The following CDH13 variants were observed in gnomAD, a reference collection of about 807,000 sequenced individuals.
CDH13 encodes cadherin 13.
CDH13 carries 24 observed loss-of-function variants against 63.8 expected under a neutral mutation model. The ratio of observed to expected loss-of-function variants is 0.38; its 90% CI spans 0.27 to 0.53. The LOEUF is 0.53. Among genes scored for constraint, CDH13 ranks in the 20% least tolerant of loss-of-function variants. CDH13 has a pLI of 0.85. For missense variants in CDH13, 1,049 were observed against 903.1 expected (o/e 1.16, Z -2.07); for synonymous variants, 503 against 355.3 (o/e 1.42, Z -4.67).
chr16:83,715,189 C>A (rs1451277656), intron 10 of CDH13, among the ~76,000 whole-genome samples: 1 of 152,166 alleles, frequency 6.6e-6, no homozygotes, highest in Non-Finnish European at 1.5e-5. Context: ...AAATATTAAG[C>A]TCTGTGTAAT....
At chr16:83,181,971 G>T (rs765821014) in intron 4 of CDH13, among the ~76,000 whole-genome samples, 10 of 152,266 alleles carry the variant, frequency 6.6e-5, no homozygotes, top group Middle Eastern at 6.8e-3. Flanking sequence ...TTAATTAGCT[G>T]CACACAGAAG....
chr16:83,010,240 A>T (rs923213370), intron 2 of CDH13, among the ~76,000 whole-genome samples: 1 of 150,886 alleles, frequency 6.6e-6, no homozygotes, highest in Non-Finnish European at 1.5e-5. Context: ...TGATCCTGGC[A>T]CAGCACTTTG....
rs372292434 is a variant in CDH13, at chr16:83,750,020, G to A, written c.1681+1770G>A. Among the ~76,000 whole-genome samples the A allele has an allele frequency of 8.5e-5, 13 of 152,244 alleles. No individual in the cohort carries two copies. The East Asian group carries it at 1.5e-3, about 18-fold the overall frequency. ...TTATAAGAAATAGCTCATGTTGGCT[G>A]GGCACGGTGGCTCATGCCTGTAGTC... On this transcript the variant is annotated intron_variant, in intron 11 of 13. Coordinates refer to ENST00000567109, the MANE Select transcript of CDH13 (RefSeq NM_001257.5).
intron 1 of CDH13, among the ~76,000 whole-genome samples, chr16:82,837,454 G>GA (rs2038816794): frequency 1.0e-3 from 1 of 996 alleles, no homozygotes; most frequent in South Asian, 0.12. Context: ...AAGTCCTAGA[G>GA]TCCCCAAGGC....
At chr16:83,447,011 A>C (rs191825191) in intron 6 of CDH13, among the ~76,000 whole-genome samples, 66 of 147,580 alleles carry the variant, frequency 4.5e-4, no homozygotes, top group African/African-American at 1.6e-3. Context: ...GAAGTAAGGA[A>C]ATGATTTAAA....
intron 6 of CDH13, among the ~76,000 whole-genome samples, chr16:83,435,756 C>G (rs1473896968): frequency 1.3e-5 from 2 of 152,286 alleles, no homozygotes; most frequent in Non-Finnish European, 2.9e-5. Context: ...GGCCAAGCCA[C>G]TCTGTTACTC....
intron 1 of CDH13, among the ~76,000 whole-genome samples, chr16:82,633,290 T>C (rs1342175481): frequency 6.6e-6 from 1 of 152,224 alleles, no homozygotes; most frequent in African/African-American, 2.4e-5. Context: ...AATAACTTAC[T>C]CTACTTAGAC....
At chr16:83,180,496 AC>A (rs1469653094) in intron 4 of CDH13, among the ~76,000 whole-genome samples, 2 of 152,336 alleles carry the variant, frequency 1.3e-5, no homozygotes, top group African/African-American at 4.8e-5. Context: ...CGTAGGACTC[AC>A]CTTTTGGTGG....
At chr16:83,373,633 G>T (rs1221997664) in intron 6 of CDH13, among the ~76,000 whole-genome samples, 1 of 151,994 alleles carries the variant, frequency 6.6e-6, no homozygotes, top group Non-Finnish European at 1.5e-5. Flanking sequence ...TATGTGTTAA[G>T]ACTATTAGGA....
intron 10 of CDH13, among the ~76,000 whole-genome samples, chr16:83,702,210 G>C (rs1334361364): frequency 6.6e-6 from 1 of 152,122 alleles, no homozygotes; most frequent in Non-Finnish European, 1.5e-5. Context: ...TACTCACTTG[G>C]CATAGCTTCC....
At chr16:83,479,901 G>A (rs974530432) in intron 6 of CDH13, among the ~76,000 whole-genome samples, 14 of 152,224 alleles carry the variant, frequency 9.2e-5, no homozygotes, top group Non-Finnish European at 2.1e-4. Context: ...GATGGAGTGA[G>A]AGGGTGTCAA....
intron 1 of CDH13, among the ~76,000 whole-genome samples, chr16:82,807,290 C>T (rs1402078906): frequency 6.6e-6 from 1 of 151,864 alleles, no homozygotes; most frequent in South Asian, 2.1e-4. Context: ...GTCCAAAAGA[C>T]AAAAAGGAGT....
At chr16:82,947,159 C>CT (rs1278705970) in intron 2 of CDH13, among the ~76,000 whole-genome samples, 3 of 152,032 alleles carry the variant, frequency 2.0e-5, no homozygotes, top group African/African-American at 7.2e-5. Context: ...AATTTTTAAG[C>CT]TTGAGTGATC....
At chr16:83,526,835 C>T (rs1358856523) in intron 7 of CDH13, among the ~76,000 whole-genome samples, 1 of 152,126 alleles carries the variant, frequency 6.6e-6, no homozygotes, top group Non-Finnish European at 1.5e-5. Context: ...GGCAGGCAGA[C>T]AGAATGGGAA....
Position 83,218,522 on chromosome 16 carries a change from C to A in CDH13, c.636+1025C>A, listed in dbSNP as rs531692707. ...TTGGTGACCTCAGAAATACCCAGTTCCAGCTGGCCTTGACAGTAACCAGAG... is the reference window on the plus strand; with the variant it reads ...TTGGTGACCTCAGAAATACCCAGTTACAGCTGGCCTTGACAGTAACCAGAG... On this transcript the variant is annotated intron_variant, in intron 5 of 13. Transcript: ENST00000567109. Among the ~76,000 whole-genome samples the A allele has an allele frequency of 1.8e-3, 281 of 152,288 alleles. 3 individuals are homozygous for A. Among genetic ancestry groups the A allele is most frequent in the African/African-American group, 6.6e-3 (276 of 41,546 alleles).
chr16:82,789,970 C>G (rs906220038), intron 1 of CDH13, among the ~76,000 whole-genome samples: 2 of 152,192 alleles, frequency 1.3e-5, no homozygotes, highest in Non-Finnish European at 2.9e-5. Context: ...CAGCCCCCAT[C>G]TCTGTCTATT....
intron 3 of CDH13, among the ~76,000 whole-genome samples, chr16:83,115,963 C>G (rs1432073169): frequency 6.6e-6 from 1 of 152,182 alleles, no homozygotes; most frequent in Non-Finnish European, 1.5e-5. Context: ...GGTGGCCAGC[C>G]CGGGTCAAGC....
intron 8 of CDH13, among the ~76,000 whole-genome samples, chr16:83,651,672 T>C (rs907348723): frequency 1.5e-5 from 2 of 134,946 alleles, no homozygotes; most frequent in African/African-American, 5.4e-5. Flanking sequence ...CTTGGCTCAC[T>C]ACAACCTCTG....
intron 12 of CDH13, among the ~76,000 whole-genome samples, chr16:83,780,875 C>A (rs1371618375): frequency 6.6e-6 from 1 of 152,196 alleles, no homozygotes; most frequent in African/African-American, 2.4e-5. Flanking sequence ...ACTGTGTTAA[C>A]ATTAACTTTC....
Sources: gnomAD v4.1 joint callset for allele counts (sites outside exome capture counted in the v4.1 genomes callset) on GRCh38, gnomAD v4.1.1 for gene constraint, MANE v1.5 for transcripts, NCBI Gene and HGNC (gene_info 2026-07-23, HGNC 2026-07-21) for gene names.